COL4A1: variants seen among roughly 807,000 people sequenced by gnomAD.
COL4A1 encodes the protein collagen alpha-1(IV) chain.
COL4A1 carries 40 observed loss-of-function variants against 216.6 expected under a neutral mutation model. The observed-to-expected ratio is 0.18, with a 90% CI of 0.14 to 0.24. The LOEUF (loss-of-function observed/expected upper bound fraction) is 0.24, where lower values mean the gene tolerates loss of function less well. Ranked by LOEUF, COL4A1 falls within the 10% of genes least tolerant of loss-of-function variation. The pLI, the probability that COL4A1 is intolerant of heterozygous loss-of-function variation, is 1.00. For missense variants in COL4A1, 1,628 were observed against 2,196.8 expected (o/e 0.74, Z 5.18); for synonymous variants, 839 against 810.7 (o/e 1.03, Z -0.59).
intron 1 of COL4A1, among the ~76,000 whole-genome samples, chr13:110,290,802 C>T (rs1007862374): frequency 6.6e-6 from 1 of 152,246 alleles, no homozygotes; most frequent in African/African-American, 2.4e-5. Context: ...CTGTCAATAT[C>T]ACTGCATTTG....
At position 110,176,500 on chromosome 13, in the gene COL4A1, A is replaced by C. The variant is rs1877891430; in HGVS notation, c.2982T>G (p.Asp994Glu). 1.2e-6 allele frequency: 2 copies of C among 1,613,526 alleles called. No homozygotes were observed. The highest frequency in any genetic ancestry group is 2.2e-5 in the South Asian group (2 of 91,074). ...CACCTGGGGTTCCACTTATACCTGG[A>C]TCACCTTTAGGTCCTAGAACCATAA... Reference protein sequence around the residue: ...GQPGQPGPKGDPGISGTPGAP... With the variant: ...GQPGQPGPKGEPGISGTPGAP... The change falls in exon 36 of 52, where the codon GAT becomes GAG. Residue 994 changes from aspartate (D) to glutamate (E), a missense_variant. Asp to Glu is a conservative substitution (Grantham distance 45). This residue lies in a region of COL4A1 where 58 missense variants were observed against 132.5 expected (regional missense o/e 0.44). Transcript: ENST00000375820.
intron 1 of COL4A1, among the ~76,000 whole-genome samples, chr13:110,275,343 A>T (rs1028517719): frequency 3.3e-5 from 5 of 152,244 alleles, no homozygotes; most frequent in African/African-American, 1.2e-4. Context: ...ATGCAAATTT[A>T]ATCAATGAGA....
chr13:110,250,115 A>G (rs1181877784), intron 1 of COL4A1, among the ~76,000 whole-genome samples: 1 of 152,146 alleles, frequency 6.6e-6, no homozygotes, highest in Non-Finnish European at 1.5e-5. Context: ...AATGGAAGAC[A>G]TAGAAACAAA....
At chr13:110,253,784 CGTATAATTATACGTATATAT>C (rs1432020048) in intron 1 of COL4A1, among the ~76,000 whole-genome samples, 5,676 of 89,666 alleles carry the variant, frequency 0.063, 565 homozygotes, top group Non-Finnish European at 0.07. Flanking sequence ...ATTATATATA[CGTATAATTATACGTATATAT>C]GTATAATTAT....
At chr13:110,302,351 C>T (rs1416576371) in intron 1 of COL4A1, among the ~76,000 whole-genome samples, 5 of 150,896 alleles carry the variant, frequency 3.3e-5, no homozygotes, top group African/African-American at 9.8e-5. Context: ...GGGGAGGCGT[C>T]GCGTGGAAAT....
chr13:110,226,194 G>T (rs1395556239), intron 2 of COL4A1, among the ~76,000 whole-genome samples: 2 of 152,102 alleles, frequency 1.3e-5, no homozygotes, highest in Non-Finnish European at 2.9e-5. Flanking sequence ...AAGAAAATTG[G>T]AATTTCTTGA....
At chr13:110,200,112 A>G (rs1012402490) in intron 20 of COL4A1, among the ~76,000 whole-genome samples, 2 of 152,260 alleles carry the variant, frequency 1.3e-5, no homozygotes, top group Non-Finnish European at 2.9e-5. Flanking sequence ...AAACAAAGCA[A>G]AAAGCGTAAA....
intron 1 of COL4A1, among the ~76,000 whole-genome samples, chr13:110,251,026 A>C (rs1377048190): frequency 2.6e-5 from 4 of 152,090 alleles, no homozygotes; most frequent in African/African-American, 9.7e-5. Flanking sequence ...ATCCTTTGTA[A>C]CTTTCATCTT....
chr13:110,281,152 C>T (rs1011425034), intron 1 of COL4A1, among the ~76,000 whole-genome samples: 33 of 152,290 alleles, frequency 2.2e-4, no homozygotes, highest in African/African-American at 7.5e-4. Flanking sequence ...AGCCACAAAA[C>T]GTGGCCGGCA....
intron 2 of COL4A1, among the ~76,000 whole-genome samples, chr13:110,228,218 A>G (rs561572527): frequency 3.7e-4 from 36 of 98,444 alleles, no homozygotes; most frequent in Middle Eastern, 5.6e-3. Context: ...GATGCCCCTG[A>G]GGAGTGGTGG....
chr13:110,156,992 C>T (rs917587066), intron 49 of COL4A1, among the ~76,000 whole-genome samples: 164 of 152,274 alleles, frequency 1.1e-3, no homozygotes, highest in African/African-American at 3.2e-3. Flanking sequence ...ATACATCTGC[C>T]ACCATCTGTT....
At chr13:110,160,991 G>C in intron 49 of COL4A1, 1 of 648,116 alleles carries the variant, frequency 1.5e-6, no homozygotes, top group Non-Finnish European at 2.6e-6. Flanking sequence ...TTACGGGCAT[G>C]AGCCACTGTG....
chr13:110,266,267 A>G (rs1005501299), intron 1 of COL4A1, among the ~76,000 whole-genome samples: 3 of 152,160 alleles, frequency 2.0e-5, no homozygotes, highest in African/African-American at 7.2e-5. Context: ...CACACGCACC[A>G]AGCTCCGGGC....
At chr13:110,279,818 C>T (rs575160692) in intron 1 of COL4A1, among the ~76,000 whole-genome samples, 2 of 152,336 alleles carry the variant, frequency 1.3e-5, no homozygotes, top group African/African-American at 4.8e-5. Context: ...CACTACTATT[C>T]AGTGAGTCCC....
intron 1 of COL4A1, among the ~76,000 whole-genome samples, chr13:110,296,102 C>T (rs1566452083): frequency 1.3e-5 from 2 of 152,242 alleles, no homozygotes; most frequent in Admixed American, 6.5e-5. Flanking sequence ...TCCCATAAAT[C>T]GCTTACAGGA....
chr13:110,208,613 G>C (rs988422716), intron 12 of COL4A1, among the ~76,000 whole-genome samples: 3 of 152,174 alleles, frequency 2.0e-5, no homozygotes, highest in Non-Finnish European at 4.4e-5. Context: ...AGTTAGTCTC[G>C]TTGTTCTCTG....
At chr13:110,295,474 G>A (rs1002350764) in intron 1 of COL4A1, among the ~76,000 whole-genome samples, 1 of 126,216 alleles carries the variant, frequency 7.9e-6, no homozygotes, top group Non-Finnish European at 1.6e-5. Context: ...TGCCCAGGCT[G>A]AAGTGCAATG....
At chr13:110,251,333 C>T (rs2139258327) in intron 1 of COL4A1, among the ~76,000 whole-genome samples, 1 of 152,382 alleles carries the variant, frequency 6.6e-6, no homozygotes, top group East Asian at 1.9e-4. Flanking sequence ...GCCCCAAGGC[C>T]CCATGCCCAA....
At chr13:110,210,416 T>G (rs1879737923) in intron 8 of COL4A1, among the ~76,000 whole-genome samples, 1 of 152,086 alleles carries the variant, frequency 6.6e-6, no homozygotes, top group Non-Finnish European at 1.5e-5. Flanking sequence ...AACCACTGCC[T>G]GGTCAACTGA....
Sources: gnomAD v4.1 joint callset for allele counts (sites outside exome capture counted in the v4.1 genomes callset) on GRCh38, gnomAD v4.1.1 for gene constraint, gnomAD v4.1.1 regional missense constraint, MANE v1.5 for transcripts, NCBI Gene and HGNC (gene_info 2026-07-23, HGNC 2026-07-21) for gene names.